Variants in KIDINS220 observed in about 807,000 individuals in gnomAD.
KIDINS220 encodes kinase D-interacting substrate of 220 kDa.
In KIDINS220, 63 loss-of-function variants were observed where a neutral mutation model predicts 157.6. That is an observed-to-expected ratio of 0.40 (90% CI 0.33 to 0.49). The LOEUF is 0.49. Ranked by LOEUF, KIDINS220 falls within the 20% of genes least tolerant of loss-of-function variation. KIDINS220 has a pLI of 0.66. For synonymous variants in KIDINS220, 732 were observed against 783.6 expected (o/e 0.93, Z 1.10); for missense variants, 1,772 against 2,171.2 (o/e 0.82, Z 3.65).
In KIDINS220 at chr2:8,730,757, C is replaced by G; in HGVS notation, c.5279G>C (p.Ser1760Thr). The change falls in exon 30 of 30, where the codon AGC (serine) becomes ACC (threonine). Residue 1760 changes from serine to threonine, a missense_variant. By Grantham distance (58) the Ser-to-Thr change is moderately conservative. Transcript: ENST00000256707. Reference sequence around the variant, plus strand: ...TTCTCTTTCTTCTCCAAAGCCTGTGCTCTCAGAAGAGGCTGCTGCATGGAG... The same window carrying G: ...TTCTCTTTCTTCTCCAAAGCCTGTGGTCTCAGAAGAGGCTGCTGCATGGAG... Reference protein sequence around the residue: ...PELHAAASSESTGFGEERESI... With the variant: ...PELHAAASSETTGFGEERESI... 26 of 1,614,160 alleles carry G rather than the reference C, an allele frequency of 1.6e-5. No individual in the cohort carries two copies. The highest frequency in any genetic ancestry group is 2.2e-5 in the Non-Finnish European group (26 of 1,180,026).
rs536734655 is a variant in KIDINS220 at position 8,732,170 on chromosome 2, C to T, written c.4054-188G>A. Among the ~76,000 whole-genome samples, 43 of 152,190 alleles carry T rather than the reference C, an allele frequency of 2.8e-4. 1 individual carries two copies. The highest frequency in any genetic ancestry group is 1.9e-4 in the Non-Finnish European group (13 of 67,990). ...ACCTTATAATGCTGTTACTAGAAAGCTTTCTATAAATTTTAATAAAATCAG... is the reference window on the plus strand; with the variant it reads ...ACCTTATAATGCTGTTACTAGAAAGTTTTCTATAAATTTTAATAAAATCAG... On this transcript the variant is annotated intron_variant, in intron 29 of 29. Transcript: ENST00000256707.
intron 8 of KIDINS220, 42 bp from the exon 9 acceptor site, chr2:8,800,540 C>A: frequency 7.4e-7 from 1 of 1,352,676 alleles, no homozygotes; most frequent in Admixed American, 2.0e-5. Flanking sequence ...GGTAAATTGA[C>A]AACAAATAAG....
At chr2:8,751,733 A>G in intron 22 of KIDINS220, 89 bp from the exon 23 acceptor site, 1 of 864,634 alleles carries the variant, frequency 1.2e-6, no homozygotes, top group Non-Finnish European at 1.8e-6. Context: ...TTATACAACA[A>G]TTACACATCT....
chr2:8,803,234 T>C (rs1036468570), intron 7 of KIDINS220, 107 bp from the exon 8 acceptor site: 2 of 949,430 alleles, frequency 2.1e-6, no homozygotes, highest in East Asian at 2.6e-5. Flanking sequence ...TGTTTTCAAA[T>C]AGGTGGCCTA....
At chr2:8,785,648 C>T (rs149682447) in intron 17 of KIDINS220, 93 bp downstream of exon 17, 23 of 1,021,406 alleles carry the variant, frequency 2.3e-5, no homozygotes, top group Middle Eastern at 4.3e-4. Flanking sequence ...AACACTTTAA[C>T]ATTTAGAGAG....
downstream of KIDINS220, among the ~76,000 whole-genome samples, chr2:8,727,512 G>A (rs1024018817): frequency 1.3e-5 from 2 of 152,092 alleles, no homozygotes; most frequent in African/African-American, 2.4e-5. Context: ...TGAGAATTCC[G>A]GGTGTAACTA....
chr2:8,728,684 G>A (rs529207505), downstream of KIDINS220, among the ~76,000 whole-genome samples: 10 of 152,326 alleles, frequency 6.6e-5, no homozygotes, highest in South Asian at 2.1e-3. Context: ...GCGCTGCTGG[G>A]CGCTAGCATG....
rs776227065 is a variant in KIDINS220, at chr2:8,788,730, A to C, written c.1704T>G (p.Ile568Met). 1.1e-5 allele frequency: 17 copies of C among 1,614,146 alleles called. No individual in the cohort carries two copies. The Admixed American group carries it at 2.8e-4, about 27-fold the overall frequency. ...WVLSTRLARH[I>M]GYLELLLKLM... ...ATTTAAGGAGGAGTTCCAAATATCC[A>C]ATATGTCTTGCCAATCTAGTGCTGA... is the stretch of plus-strand genomic sequence containing the variant. The change falls in exon 15 of 30, where the codon ATT becomes ATG. Residue 568 changes from isoleucine to methionine, a missense_variant. By Grantham distance (10) the Ile-to-Met change is conservative (BLOSUM62 1). This residue lies in a region of KIDINS220 where 725 missense variants were observed against 1,017.1 expected (regional missense o/e 0.71). Transcript: ENST00000256707.
chr2:8,776,730 A>G lies in KIDINS220; in HGVS notation c.2848+18T>C. ...TAAAGCTTATTAACTATCATAGACA[A>G]TAAGAGACAAAAGTCACCTGTCACA... On this transcript the variant is annotated intron_variant, in intron 21 of 29. Transcript: ENST00000256707. 1 of 1,608,556 alleles carries G rather than the reference A, an allele frequency of 6.2e-7. No individual in the cohort carries two copies.
At chr2:8,727,565 T>C (rs1178419313), downstream of KIDINS220, among the ~76,000 whole-genome samples, 2 of 152,284 alleles carry the variant, frequency 1.3e-5, no homozygotes, top group East Asian at 3.9e-4. Flanking sequence ...TAAGATTTAC[T>C]TCCATTCAAA....
chr2:8,732,052 G>C (rs1664200582), intron 29 of KIDINS220, 70 bp from the exon 30 acceptor site: 1 of 1,348,566 alleles, frequency 7.4e-7, no homozygotes, highest in Non-Finnish European at 1.0e-6. Flanking sequence ...ATCAGCTTAG[G>C]AAATATATAT....
intron 22 of KIDINS220, 130 bp from the exon 23 acceptor site, chr2:8,751,774 C>A (rs986868940): frequency 3.1e-6 from 2 of 641,134 alleles, no homozygotes; most frequent in Non-Finnish European, 5.3e-6. Context: ...AATTACACAT[C>A]GGCTCACTGC....
chr2:8,733,335 G>T (rs1026793052), intron 29 of KIDINS220, 109 bp downstream of exon 29: 2 of 929,026 alleles, frequency 2.2e-6, no homozygotes, highest in African/African-American at 1.6e-5. Context: ...GTTCACTTAG[G>T]TATTCAGTAA....
intron 22 of KIDINS220, among the ~76,000 whole-genome samples, chr2:8,765,614 C>T (rs948132633): frequency 6.6e-6 from 1 of 152,184 alleles, no homozygotes; most frequent in African/African-American, 2.4e-5. Flanking sequence ...TCTTTCAATA[C>T]CCTGCAACAG....
In KIDINS220 at chr2:8,779,784, T is replaced by C. The variant is rs751678266; in HGVS notation, c.2260A>G (p.Arg754Gly). ...AAGCTGTCAATGGTTTTTGCCATCCTGGCCATCAATTCCACTTCACATTTA... is the reference window on the plus strand; with the variant it reads ...AAGCTGTCAATGGTTTTTGCCATCCCGGCCATCAATTCCACTTCACATTTA... ...VLKCEVELMA[R>G]MAKTIDSFTQ... Residue 754 changes from arginine to glycine, a missense_variant, in exon 18 of 30, where the codon AGG becomes GGG. This residue lies in a region of KIDINS220 where 725 missense variants were observed against 1,017.1 expected (regional missense o/e 0.71). Coordinates refer to ENST00000256707, the MANE Select transcript of KIDINS220 (RefSeq NM_020738.4). The C allele has an allele frequency of 1.2e-6, 2 of 1,614,076 alleles. No homozygotes were observed. Among genetic ancestry groups the C allele is most frequent in the East Asian group, 4.5e-5 (2 of 44,890 alleles).
intron 2 of KIDINS220, among the ~76,000 whole-genome samples, chr2:8,819,534 C>A (rs1677594863): frequency 6.6e-6 from 1 of 152,110 alleles, no homozygotes; most frequent in Admixed American, 6.6e-5. Flanking sequence ...TCGGCAAATA[C>A]CAGGTTAGGC....
rs550798139 is a variant in KIDINS220 at position 8,784,051 on chromosome 2, T to C, written c.2229+1690A>G. Among the ~76,000 whole-genome samples, 4 of 152,146 alleles carry C rather than the reference T, an allele frequency of 2.6e-5. No individual in the cohort carries two copies. The East Asian group carries it at 7.7e-4, about 29-fold the overall frequency. On this transcript the variant is annotated intron_variant, in intron 17 of 29. Transcript: ENST00000256707. ...GCTAGAGTAATCAAACAGTGTGGTA[T>C]GCGCAAACGAACAGACAAAGAGAAA...
chr2:8,811,488 A>G (rs1403644866), intron 6 of KIDINS220, among the ~76,000 whole-genome samples: 2 of 152,234 alleles, frequency 1.3e-5, no homozygotes, highest in Non-Finnish European at 2.9e-5. Flanking sequence ...CTTGAAAAAT[A>G]AACAGGAGTT....
In KIDINS220 at chr2:8,750,347, A is replaced by G. The variant is rs781718571; in HGVS notation, c.3191-12T>C. The G allele has an allele frequency of 6.6e-7, 1 of 1,522,270 alleles. No homozygotes were observed. Among genetic ancestry groups the G allele is most frequent in the Non-Finnish European group, 8.9e-7 (1 of 1,127,962 alleles). 94.3% of individuals were successfully genotyped at this position (1,522,270 alleles called of 1,614,324 possible). A position where few individuals can be genotyped will look rare whatever the true frequency, so the allele number is the denominator to read the frequency against. On this transcript the variant is annotated splice_polypyrimidine_tract_variant and intron_variant, in intron 23 of 29. Coordinates refer to ENST00000256707, the MANE Select transcript of KIDINS220 (RefSeq NM_020738.4). ...GGCAGCACGAACATCTGAAAGATTC[A>G]ATCAGACCCCAGAAGGCAAGAGAAA...
Sources: gnomAD v4.1 joint callset for allele counts (sites outside exome capture counted in the v4.1 genomes callset) on GRCh38, gnomAD v4.1.1 for gene constraint, gnomAD v4.1.1 regional missense constraint, MANE v1.5 for transcripts, NCBI Gene and HGNC (gene_info 2026-07-23, HGNC 2026-07-21) for gene names.